Variants in ZBTB7C observed in about 807,000 individuals in gnomAD.
ZBTB7C encodes zinc finger and BTB domain containing 7C.
Under a neutral mutation model 25.7 loss-of-function variants are expected in ZBTB7C, and 8 were observed. That is an observed-to-expected ratio of 0.31 (90% CI 0.18 to 0.56). The LOEUF is 0.56. Among genes scored for constraint, ZBTB7C ranks in the 20% least tolerant of loss-of-function variants. The pLI is 0.91. For missense variants in ZBTB7C, 824 were observed against 855.2 expected, an observed-to-expected ratio of 0.96 and a Z score of 0.46; for synonymous variants, 394 against 369.0, an observed-to-expected ratio of 1.07 and a Z score of -0.78.
intron 2 of ZBTB7C, among the ~76,000 whole-genome samples, chr18:48,237,410 T>C (rs1263615643): frequency 6.6e-6 from 1 of 151,990 alleles, no homozygotes; most frequent in Non-Finnish European, 1.5e-5. Flanking sequence ...CTCCCAACCA[T>C]AGAAGCATCC....
chr18:48,082,867 G>A (rs865866524), intron 3 of ZBTB7C, among the ~76,000 whole-genome samples: 1 of 152,298 alleles, frequency 6.6e-6, no homozygotes, highest in African/African-American at 2.4e-5. Context: ...AGGATCTGAT[G>A]TGGGAAACTG....
intron 2 of ZBTB7C, among the ~76,000 whole-genome samples, chr18:48,259,450 A>C (rs1441154301): frequency 4.0e-5 from 6 of 150,174 alleles, no homozygotes; most frequent in African/African-American, 1.2e-4. Context: ...GGACAAAAAC[A>C]AGAGAAAAAT....
chr18:48,062,987 G>A (rs994382075), intron 3 of ZBTB7C, among the ~76,000 whole-genome samples: 3 of 152,226 alleles, frequency 2.0e-5, no homozygotes, highest in Non-Finnish European at 4.4e-5. Context: ...CCTGGCATCA[G>A]TGGGATGGAG....
rs574742835 is a variant in ZBTB7C, at chr18:48,039,836, C to A, written c.1208+64G>T. The A allele has an allele frequency of 3.7e-5, 58 of 1,555,684 alleles. No homozygotes were observed. In the South Asian group the frequency reaches 6.2e-4, roughly 17 times the overall value. On this transcript the variant is annotated intron_variant, in intron 4 of 4. Transcript: ENST00000590800. ...CTGTCTCCACCGCCAGCCTCCCTGCCCAACTCTGCTGTCCCCCATGGCCTC... is the reference window on the plus strand; with the variant it reads ...CTGTCTCCACCGCCAGCCTCCCTGCACAACTCTGCTGTCCCCCATGGCCTC...
At chr18:48,182,357 T>TA (rs1196694449) in intron 3 of ZBTB7C, among the ~76,000 whole-genome samples, 1 of 152,140 alleles carries the variant, frequency 6.6e-6, no homozygotes, top group African/African-American at 2.4e-5. Flanking sequence ...TCCACGATTA[T>TA]AAAATAAGCT....
At chr18:48,410,948 T>C (rs1420025920), upstream of ZBTB7C, among the ~76,000 whole-genome samples, 2 of 152,256 alleles carry the variant, frequency 1.3e-5, no homozygotes, top group Admixed American at 6.5e-5. Context: ...GCTGCTGCTG[T>C]GTCCTTTAAT....
At chr18:48,227,796 G>T (rs2043142909) in intron 2 of ZBTB7C, among the ~76,000 whole-genome samples, 1 of 152,130 alleles carries the variant, frequency 6.6e-6, no homozygotes, top group Admixed American at 6.5e-5. Context: ...AAAAATTATA[G>T]GCTGCCTGGA....
At chr18:48,091,238 A>ATTTTTTTTTTTTTTTTTT (rs35051690) in intron 3 of ZBTB7C, among the ~76,000 whole-genome samples, 1 of 64,674 alleles carries the variant, frequency 1.5e-5, no homozygotes, top group Non-Finnish European at 2.7e-5. Flanking sequence ...TGCCCGGATA[A>ATTTTTTTTTTTTTTTTTT]TTTTTTTTTT....
chr18:48,405,910 CG>C (rs2048270700), intron 1 of ZBTB7C, among the ~76,000 whole-genome samples: 1 of 141,272 alleles, frequency 7.1e-6, no homozygotes, highest in Admixed American at 7.0e-5. Context: ...GCACACAGGC[CG>C]GGGTTCACTC....
chr18:48,230,537 T>C (rs1163236788), intron 2 of ZBTB7C, among the ~76,000 whole-genome samples: 1 of 152,216 alleles, frequency 6.6e-6, no homozygotes, highest in East Asian at 1.9e-4. Flanking sequence ...CTCCCATGCC[T>C]GGGACAGATT....
chr18:48,193,549 T>G (rs960162001), intron 2 of ZBTB7C, among the ~76,000 whole-genome samples: 3 of 152,092 alleles, frequency 2.0e-5, no homozygotes, highest in African/African-American at 7.2e-5. Flanking sequence ...ATAGCAGAAT[T>G]CAGGTGGAAG....
chr18:48,096,334 G>A (rs1416247515), intron 3 of ZBTB7C, among the ~76,000 whole-genome samples: 1 of 152,128 alleles, frequency 6.6e-6, no homozygotes, highest in Admixed American at 6.5e-5. Flanking sequence ...TTTTATGAAA[G>A]CTCTGAAATG....
intron 3 of ZBTB7C, among the ~76,000 whole-genome samples, chr18:48,142,314 A>G (rs115476464): frequency 0.021 from 3,128 of 152,334 alleles, 113 homozygotes; most frequent in African/African-American, 0.072. Context: ...ATTGGGGGCC[A>G]GCAGAGCCTG....
At chr18:48,244,929 C>A (rs2043631593) in intron 2 of ZBTB7C, among the ~76,000 whole-genome samples, 1 of 151,940 alleles carries the variant, frequency 6.6e-6, no homozygotes, top group Admixed American at 6.6e-5. Context: ...TCTGATCCAG[C>A]AATCCCGCTA....
intron 2 of ZBTB7C, among the ~76,000 whole-genome samples, chr18:48,220,825 G>A (rs541897392): frequency 2.2e-3 from 330 of 152,182 alleles, no homozygotes; most frequent in Non-Finnish European, 3.9e-3. Flanking sequence ...AGGCACAGAG[G>A]GGTCAAGTCA....
At chr18:48,060,753 C>T (rs912065515) in intron 3 of ZBTB7C, among the ~76,000 whole-genome samples, 5 of 152,182 alleles carry the variant, frequency 3.3e-5, no homozygotes, top group Admixed American at 6.5e-5. Flanking sequence ...CTAGTCCTCA[C>T]CACATGGAGA....
intron 2 of ZBTB7C, among the ~76,000 whole-genome samples, chr18:48,231,709 C>T (rs2043258376): frequency 6.6e-6 from 1 of 152,210 alleles, no homozygotes; most frequent in African/African-American, 2.4e-5. Flanking sequence ...ATGCCCCTTG[C>T]TCATTATATT....
intron 3 of ZBTB7C, among the ~76,000 whole-genome samples, chr18:48,095,408 T>A (rs8083271): frequency 0.031 from 4,725 of 152,224 alleles, 226 homozygotes; most frequent in African/African-American, 0.11. Context: ...GGGATGTCAA[T>A]AAATGATTAT....
At chr18:48,104,494 G>A (rs1051110097) in intron 3 of ZBTB7C, among the ~76,000 whole-genome samples, 3 of 152,108 alleles carry the variant, frequency 2.0e-5, no homozygotes, top group Admixed American at 6.5e-5. Context: ...TTCCTTTATA[G>A]CAATGCAAAT....
Sources: gnomAD v4.1 joint callset for allele counts (sites outside exome capture counted in the v4.1 genomes callset) on GRCh38, gnomAD v4.1.1 for gene constraint, MANE v1.5 for transcripts, NCBI Gene and HGNC (gene_info 2026-07-23, HGNC 2026-07-21) for gene names.